The following PIK3IP1 variants were observed in gnomAD, a reference collection of about 807,000 sequenced individuals.
The protein encoded by PIK3IP1 is phosphoinositide-3-kinase-interacting protein 1.
A neutral mutation model predicts 30.7 loss-of-function variants in PIK3IP1; 28 were observed. The observed-to-expected ratio is 0.91, with a 90% CI of 0.68 to 1.25. The LOEUF is 1.25. Ranked by LOEUF, PIK3IP1 falls within the 50% of genes most tolerant of loss-of-function variation. The pLI, the probability that PIK3IP1 is intolerant of heterozygous loss-of-function variation, is 0.00. For missense variants in PIK3IP1, 333 were observed against 346.2 expected (o/e 0.96, Z 0.30); for synonymous variants, 159 against 140.8 (o/e 1.13, Z -0.91).
chr22:31,291,197 GC>G lies in PIK3IP1; in HGVS notation c.169del (p.Ala57ProfsTer93). 6.5e-7 allele frequency: 1 copy of G among 1,548,644 alleles called. No homozygotes were observed. ...LNWLDAQSGL[A>X]SAPVSGAGNH... ...ACACTTACCCGACACGGGGGCCGAG[GC>G]CAGCCCGCTCTGCGCGTCCAGCCAG... is the stretch of plus-strand genomic sequence containing the variant. On this transcript the variant is annotated frameshift_variant, in exon 2 of 6. Transcript: ENST00000215912. LOFTEE classifies it high-confidence loss of function.
At position 31,290,996 on chromosome 22, in the gene PIK3IP1, C is replaced by T; in HGVS notation, c.276G>A (p.Glu92=). 2 of 1,603,698 alleles carry T rather than the reference C, an allele frequency of 1.2e-6. No individual in the cohort carries two copies. Among genetic ancestry groups the T allele is most frequent in the African/African-American group, 2.7e-5 (2 of 73,906 alleles). Residue 92 remains glutamate, a synonymous_variant, in exon 3 of 6, where the codon GAG becomes GAA. Coordinates refer to ENST00000215912, the MANE Select transcript of PIK3IP1 (RefSeq NM_052880.5). ...CYVSGEAGVP[E]KRPCEDLRCP... is the part of the protein sequence containing the mutation. ...AGCGCAGGTCCTCGCAAGGCCGTTT[C>T]TCAGGGACGCCGGCCTCGCCACTGA...
At chr22:31,291,782 GCCA>G (rs2049181783) in intron 1 of PIK3IP1, among the ~76,000 whole-genome samples, 2 of 114,016 alleles carry the variant, frequency 1.8e-5, no homozygotes, top group Non-Finnish European at 3.5e-5. Context: ...CACGGATACG[GCCA>G]CCTTCTGCCC....
At position 31,283,296 on chromosome 22, in the gene PIK3IP1, G is replaced by GA. The variant is rs957465906; in HGVS notation, c.588-9dup. 6.2e-7 allele frequency: 1 copy of GA among 1,601,010 alleles called. No individual in the cohort carries two copies. Among genetic ancestry groups the GA allele is most frequent in the Non-Finnish European group, 8.5e-7 (1 of 1,178,858 alleles). On this transcript the variant is annotated splice_polypyrimidine_tract_variant and intron_variant, in intron 5 of 5. Transcript: ENST00000215912. ...TCTTTCAAATCCTTCCCCCTGGCAG[G>GA]AAAAAAACAAACAAACATTCAGGCT...
At position 31,289,487 on chromosome 22, in the gene PIK3IP1, G is replaced by C. The variant is rs752466053; in HGVS notation, c.508+12C>G. 10 of 1,537,226 alleles carry C rather than the reference G, an allele frequency of 6.5e-6. No individual in the cohort carries two copies. Among genetic ancestry groups the C allele is most frequent in the Non-Finnish European group, 7.0e-6 (8 of 1,140,698 alleles). ...GAATCCCAACGAGGGCAGGGGTGGG[G>C]GACCGTCATACCCAGAGTTCCCAGG... On this transcript the variant is annotated intron_variant, in intron 4 of 5. Transcript: ENST00000215912.
intron 3 of PIK3IP1, 137 bp downstream of exon 3, chr22:31,290,828 G>C (rs1042964678): frequency 1.6e-6 from 2 of 1,287,024 alleles, no homozygotes; most frequent in Admixed American, 3.6e-5. Context: ...GCGGCCTGGA[G>C]ACAGCCCTGG....
intron 2 of PIK3IP1, 32 bp from the exon 3 acceptor site, chr22:31,291,116 G>C (rs2049174252): frequency 1.0e-5 from 16 of 1,540,818 alleles, no homozygotes; most frequent in Non-Finnish European, 1.4e-5. Flanking sequence ...TGTGTGCCGG[G>C]GCTGGCACCG....
intron 1 of PIK3IP1, 78 bp from the exon 2 acceptor site, chr22:31,291,374 C>T (rs1382708611): frequency 7.3e-7 from 1 of 1,378,768 alleles, no homozygotes; most frequent in Non-Finnish European, 1.0e-6. Context: ...ACAGGGGAGC[C>T]GGGACCACCC....
chr22:31,289,277 C>A, intron 5 of PIK3IP1, 38 bp downstream of exon 5: 1 of 1,604,122 alleles, frequency 6.2e-7, no homozygotes, highest in Non-Finnish European at 8.5e-7. Context: ...TACCTTCCTC[C>A]CCTCCTCCTA....
In PIK3IP1 at chr22:31,292,447, C is replaced by T; in HGVS notation, c.-103G>A. ...AGTCCCAGCCTTGCAGTCAGACCTG[C>T]CCTTGTTATGCTGTTCTGGTAAACA... On this transcript the variant is annotated 5_prime_UTR_variant, in exon 1 of 6. Transcript: ENST00000215912. The T allele has an allele frequency of 1.1e-6, 1 of 890,658 alleles. No individual in the cohort carries two copies. Among genetic ancestry groups the T allele is most frequent in the Non-Finnish European group, 1.9e-6 (1 of 532,292 alleles). 55.2% of individuals were successfully genotyped at this position (890,658 alleles called of 1,614,324 possible).
chr22:31,288,705 C>T (rs2049149879), intron 5 of PIK3IP1, among the ~76,000 whole-genome samples: 1 of 152,232 alleles, frequency 6.6e-6, no homozygotes, highest in African/African-American at 2.4e-5. Context: ...CAGGTCATGT[C>T]CTTGAGTTTC....
At chr22:31,286,277 A>G (rs2049130576) in intron 5 of PIK3IP1, among the ~76,000 whole-genome samples, 1 of 152,220 alleles carries the variant, frequency 6.6e-6, no homozygotes, top group Admixed American at 6.5e-5. Context: ...GTTTCTGTTT[A>G]CATTTAATAC....
intron 5 of PIK3IP1, among the ~76,000 whole-genome samples, chr22:31,284,198 C>G (rs1478439000): frequency 1.3e-5 from 2 of 152,242 alleles, no homozygotes; most frequent in African/African-American, 4.8e-5. Context: ...GCCACCACAC[C>G]CAGCCTAATC....
intron 5 of PIK3IP1, among the ~76,000 whole-genome samples, chr22:31,287,520 C>T (rs537654249): frequency 6.6e-6 from 1 of 151,264 alleles, no homozygotes; most frequent in Non-Finnish European, 1.5e-5. Flanking sequence ...TTAGTAGAGA[C>T]AGGATTTCAC....
chr22:31,289,181 G>A (rs2049153533), intron 5 of PIK3IP1, 134 bp downstream of exon 5: 1 of 853,490 alleles, frequency 1.2e-6, no homozygotes, highest in Non-Finnish European at 1.9e-6. Context: ...AGCAGATAAA[G>A]ACTAGGACCA....
At position 31,286,105 on chromosome 22, in the gene PIK3IP1, G is replaced by A. The variant is rs992074297; in HGVS notation, c.588-2817C>T. On this transcript the variant is annotated intron_variant, in intron 5 of 5. Transcript: ENST00000215912. ...GGAGAATCACTTGAACCCAGGAGGC[G>A]GCGGTTGCAGTGAGCCGACACAGCG... Among the ~76,000 whole-genome samples, 5 of 151,838 alleles carry A rather than the reference G, an allele frequency of 3.3e-5. No homozygotes were observed. The South Asian group carries it at 6.3e-4, about 19-fold the overall frequency.
chr22:31,282,991 T>A lies in PIK3IP1; in HGVS notation c.*93A>T. 1 of 1,018,436 alleles carries A rather than the reference T, an allele frequency of 9.8e-7. No homozygotes were observed. Among genetic ancestry groups the A allele is most frequent in the Non-Finnish European group, 1.4e-6 (1 of 699,570 alleles). 63.1% of individuals were successfully genotyped at this position (1,018,436 alleles called of 1,614,324 possible). ...AAAAAGCGGGGGAGTGGTAGGGTTT[T>A]AACCAGAACACAAAGTGGTAGTTCC... On this transcript the variant is annotated 3_prime_UTR_variant, in exon 6 of 6. Coordinates refer to ENST00000215912, the MANE Select transcript of PIK3IP1 (RefSeq NM_052880.5).
chr22:31,283,308 C>CA lies in PIK3IP1; in HGVS notation c.588-21dup, dbSNP rs763000520. 3.7e-6 allele frequency: 6 copies of CA among 1,613,420 alleles called. No individual in the cohort carries two copies. Among genetic ancestry groups the CA allele is most frequent in the Middle Eastern group, 1.6e-4 (1 of 6,084 alleles). ...TTCCCCCTGGCAGGAAAAAAACAAACAAACATTCAGGCTATGCCTCCTGCA... is the reference window on the plus strand; with the variant it reads ...TTCCCCCTGGCAGGAAAAAAACAAACAAAACATTCAGGCTATGCCTCCTGCA... On this transcript the variant is annotated intron_variant, in intron 5 of 5. Transcript: ENST00000215912.
Position 31,292,382 on chromosome 22 carries a change from G to A in PIK3IP1, c.-38C>T. 6.2e-7 allele frequency: 1 copy of A among 1,601,968 alleles called. No individual in the cohort carries two copies. Among genetic ancestry groups the A allele is most frequent in the South Asian group, 1.1e-5 (1 of 90,794 alleles). ...CGTCTTGCAGGTGATTGAACGACCA[G>A]TGTTTAACCGAGGCCCCCTTGGCGG... is the stretch of plus-strand genomic sequence containing the variant. On this transcript the variant is annotated 5_prime_UTR_variant, in exon 1 of 6. Transcript: ENST00000215912.
At chr22:31,291,336 A>G in intron 1 of PIK3IP1, 40 bp from the exon 2 acceptor site, 1 of 1,535,178 alleles carries the variant, frequency 6.5e-7, no homozygotes, top group Non-Finnish European at 8.8e-7. Flanking sequence ...AATAGCGGGC[A>G]GCGAACGGAA....
Sources: allele counts gnomAD v4.1 joint callset (sites outside exome capture counted in the v4.1 genomes callset), GRCh38; gene constraint gnomAD v4.1.1; transcripts MANE v1.5; gene names NCBI Gene and HGNC (gene_info 2026-07-23, HGNC 2026-07-21).